The following CFAP20 variants were observed in gnomAD, a reference collection of about 807,000 sequenced individuals.
The protein encoded by CFAP20 is cilia and flagella associated protein 20, also known as cilia- and flagella-associated protein 20.
In CFAP20, 14 loss-of-function variants were observed where a neutral mutation model predicts 25.5. That is an observed-to-expected ratio of 0.55 (90% confidence interval 0.36 to 0.86). The LOEUF (loss-of-function observed/expected upper bound fraction) is 0.86. Ranked by LOEUF, CFAP20 falls within the 40% of genes least tolerant of loss-of-function variation. The pLI is 0.01. For synonymous variants in CFAP20, 75 were observed against 91.1 expected (o/e 0.82, Z 1.01); for missense variants, 181 against 248.0 (o/e 0.73, Z 1.81).
Position 58,123,394 on chromosome 16 carries a change from AGAC to A in CFAP20, c.84+5635_84+5637del, listed in dbSNP as rs539328399. Among the ~76,000 whole-genome samples, 712 of 148,676 alleles carry A rather than the reference AGAC, an allele frequency of 4.8e-3. 5 individuals are homozygous for A. The highest frequency in any genetic ancestry group is 0.016 in the African/African-American group (676 of 41,112). Reference sequence around the variant, plus strand: ...GGCGGATCACGAGGTCAGGAGATCGAGACCATCCTGGCTAACACGGTGAAAACC... The same window carrying A: ...GGCGGATCACGAGGTCAGGAGATCGACATCCTGGCTAACACGGTGAAAACC... On this transcript the variant is annotated intron_variant, in intron 1 of 5. Transcript: ENST00000262498.
chr16:58,115,766 CACTATTAAAT>C, intron 3 of CFAP20: 1 of 519,404 alleles, frequency 1.9e-6, no homozygotes, highest in Non-Finnish European at 3.4e-6. Flanking sequence ...AACAGCCACC[CACTATTAAAT>C]AATCACTCCC....
At chr16:58,116,548 C>A (rs973658269) in intron 2 of CFAP20, 31 of 396,926 alleles carry the variant, frequency 7.8e-5, no homozygotes, top group African/African-American at 5.9e-4. Context: ...CCACTCCCCA[C>A]CCCAACACAC....
At chr16:58,121,955 C>T (rs1960539925) in intron 1 of CFAP20, among the ~76,000 whole-genome samples, 1 of 152,252 alleles carries the variant, frequency 6.6e-6, no homozygotes, top group Admixed American at 6.5e-5. Context: ...GCAGCTGAAC[C>T]CTCAGCCATC....
At chr16:58,114,152 C>T (rs937853721) in intron 5 of CFAP20, 122 bp from the exon 6 acceptor site, 1 of 1,038,390 alleles carries the variant, frequency 9.6e-7, no homozygotes, top group Non-Finnish European at 1.5e-6. Flanking sequence ...AATGGACACA[C>T]ATCTGCAGCA....
At chr16:58,115,525 C>A in intron 3 of CFAP20, 68 bp from the exon 4 acceptor site, 1 of 1,555,734 alleles carries the variant, frequency 6.4e-7, no homozygotes, top group South Asian at 1.2e-5. Flanking sequence ...CTTGTCCAGA[C>A]AAGGACCTGA....
Position 58,115,438 on chromosome 16 carries a change from A to T in CFAP20, c.296T>A (p.Val99Glu). 6.2e-7 allele frequency: 1 copy of T among 1,614,222 alleles called. No individual in the cohort carries two copies. The highest frequency in any genetic ancestry group is 8.5e-7 in the Non-Finnish European group (1 of 1,180,044). Reference protein sequence around the residue: ...FEVQVLDDKNVRRRFRASNYQ... With the variant: ...FEVQVLDDKNERRRFRASNYQ... ...GTTACTTGCCCGAAAGCGACGACGC[A>T]CATTCTTGTCATCTAGTACCTGTGA... The change falls in exon 4 of 6, where the codon GTG becomes GAG. Residue 99 changes from valine to glutamate, a missense_variant. Coordinates refer to ENST00000262498, the MANE Select transcript of CFAP20 (RefSeq NM_013242.3).
chr16:58,114,160 G>T, intron 5 of CFAP20, 130 bp from the exon 6 acceptor site: 2 of 986,640 alleles, frequency 2.0e-6, no homozygotes, highest in Non-Finnish European at 1.6e-6. Context: ...CACATCTGCA[G>T]CACACAGGCA....
At chr16:58,114,106 C>A (rs1960422572) in intron 5 of CFAP20, 76 bp from the exon 6 acceptor site, 12 of 1,461,244 alleles carry the variant, frequency 8.2e-6, no homozygotes, top group Non-Finnish European at 8.6e-6. Context: ...AGGCCCCCTG[C>A]CTCTGGTGAC....
At position 58,116,023 on chromosome 16, in the gene CFAP20, T is replaced by G. The variant is rs146197714; in HGVS notation, c.276+18A>C. On this transcript the variant is annotated intron_variant, in intron 3 of 5. Coordinates refer to ENST00000262498, the MANE Select transcript of CFAP20 (RefSeq NM_013242.3). ...TTGGTATAGCCAAGAGTGGACACAT[T>G]CATGTACACATACTTACCTGCACTT... 257 of 1,542,296 alleles carry G rather than the reference T, an allele frequency of 1.7e-4. 1 individual carries two copies. The East Asian group carries it at 5.1e-3, about 30-fold the overall frequency.
chr16:58,116,268 G>T, intron 2 of CFAP20, 116 bp from the exon 3 acceptor site: 1 of 685,138 alleles, frequency 1.5e-6, no homozygotes, highest in Non-Finnish European at 2.4e-6. Flanking sequence ...AAAAGATTCA[G>T]ACACGCCACC....
chr16:58,126,787 T>C (rs1376773392), intron 1 of CFAP20, among the ~76,000 whole-genome samples: 1 of 152,216 alleles, frequency 6.6e-6, no homozygotes, highest in Admixed American at 6.5e-5. Context: ...CAATTCCCAG[T>C]GTTCCCCCTA....
chr16:58,125,646 T>G (rs184413530), intron 1 of CFAP20, among the ~76,000 whole-genome samples: 3 of 152,326 alleles, frequency 2.0e-5, no homozygotes, highest in African/African-American at 7.2e-5. Flanking sequence ...ATTGCACTAC[T>G]GCATTCCAGC....
intron 2 of CFAP20, chr16:58,116,566 TTAA>T (rs1960460496): frequency 7.1e-6 from 3 of 421,602 alleles, no homozygotes; most frequent in Non-Finnish European, 1.3e-5. Flanking sequence ...CACACTTTGG[TTAA>T]TAATATAGCT....
At position 58,129,367 on chromosome 16, in the gene CFAP20, T is replaced by G; in HGVS notation, c.-252A>C. The G allele has an allele frequency of 2.1e-6, 1 of 470,856 alleles. No individual in the cohort carries two copies. Among genetic ancestry groups the G allele is most frequent in the Non-Finnish European group, 3.8e-6 (1 of 261,736 alleles). The allele number at this position is 470,856 out of a possible 1,614,324, so 29.2% of individuals were successfully genotyped here. On this transcript the variant is annotated 5_prime_UTR_variant, in exon 1 of 6. Coordinates refer to ENST00000262498, the MANE Select transcript of CFAP20 (RefSeq NM_013242.3). ...GCAACTACCGTCCGCGCCGCGGTATTTCCCCGCCTTCAATGGAGGCGGAGG... is the reference window on the plus strand; with the variant it reads ...GCAACTACCGTCCGCGCCGCGGTATGTCCCCGCCTTCAATGGAGGCGGAGG...
At position 58,113,660 on chromosome 16, in the gene CFAP20, T is replaced by C. The variant is rs1435316441; in HGVS notation, c.*365A>G. ...GAGTATGACACAGCATATACATATATTTAGATAATATATAAAACATAGAAT... is the reference window on the plus strand; with the variant it reads ...GAGTATGACACAGCATATACATATACTTAGATAATATATAAAACATAGAAT... On this transcript the variant is annotated 3_prime_UTR_variant, in exon 6 of 6. Transcript: ENST00000262498. 3 of 208,486 alleles carry C rather than the reference T, an allele frequency of 1.4e-5. No individual in the cohort carries two copies. Among genetic ancestry groups the C allele is most frequent in the Admixed American group, 1.1e-4 (2 of 18,980 alleles). The allele number at this position is 208,486 out of a possible 1,614,324, so 12.9% of individuals were successfully genotyped here. A position where few individuals can be genotyped will look rare whatever the true frequency, so the allele number is the denominator to read the frequency against.
At chr16:58,115,701 G>C (rs1268290320) in intron 3 of CFAP20, 1 of 577,322 alleles carries the variant, frequency 1.7e-6, no homozygotes, top group African/African-American at 1.9e-5. Context: ...CAGGCTCTCA[G>C]ACCATAGAGT....
chr16:58,115,210 T>C (rs1470970211), intron 4 of CFAP20, 59 bp downstream of exon 4: 3 of 1,598,514 alleles, frequency 1.9e-6, no homozygotes, highest in Non-Finnish European at 2.6e-6. Flanking sequence ...CACAAGCCAA[T>C]ATTAGACGCA....
intron 1 of CFAP20, among the ~76,000 whole-genome samples, chr16:58,126,541 A>G (rs896190243): frequency 6.6e-6 from 1 of 152,344 alleles, no homozygotes; most frequent in African/African-American, 2.4e-5. Flanking sequence ...AGAAAACAAC[A>G]AAGTTTTCTG....
chr16:58,125,303 C>T (rs997541116), intron 1 of CFAP20, among the ~76,000 whole-genome samples: 1 of 152,206 alleles, frequency 6.6e-6, no homozygotes, highest in Non-Finnish European at 1.5e-5. Context: ...ACAACACTGC[C>T]TTCTTCTGAA....
Sources: gnomAD v4.1 joint callset for allele counts (sites outside exome capture counted in the v4.1 genomes callset) on GRCh38, gnomAD v4.1.1 for gene constraint, MANE v1.5 for transcripts, NCBI Gene and HGNC (gene_info 2026-07-23, HGNC 2026-07-21) for gene names.